Variants in NKX2-2 observed in about 807,000 individuals in gnomAD.
The protein encoded by NKX2-2 is homeobox protein Nkx-2.2.
NKX2-2 carries 8 observed loss-of-function variants against 24.6 expected under a neutral mutation model. The ratio of observed to expected loss-of-function variants is 0.32; its 90% CI spans 0.19 to 0.59. NKX2-2 has a LOEUF of 0.59. NKX2-2 is among the 20% of genes least tolerant of loss of function. NKX2-2 has a pLI of 0.86. For missense variants in NKX2-2, 381 were observed against 373.9 expected, an observed-to-expected ratio of 1.02 and a Z score of -0.16; for synonymous variants, 217 against 173.3, an observed-to-expected ratio of 1.25 and a Z score of -1.98.
chr20:21,516,576 C>T (rs945595881), upstream of NKX2-2, among the ~76,000 whole-genome samples: 1 of 152,072 alleles, frequency 6.6e-6, no homozygotes, highest in Non-Finnish European at 1.5e-5. Flanking sequence ...TGTTACTCAG[C>T]TGCTAAATAA....
At chr20:21,521,560 G>T in the NKX2-2 span, among the ~76,000 whole-genome samples, 1 of 152,128 alleles carries the variant, frequency 6.6e-6, no homozygotes, top group African/African-American at 2.4e-5. Flanking sequence ...CATCACCACC[G>T]TCCCCTCACG....
Position 21,511,143 on chromosome 20 carries a change from C to T in NKX2-2, c.*780G>A, listed in dbSNP as rs117062531. Reference sequence around the variant, plus strand: ...AGCTCCAAGTTCGGGGCTGAAGGCCCGGAGGACAGGGCAGAGGGCTCCCTG... The same window carrying T: ...AGCTCCAAGTTCGGGGCTGAAGGCCTGGAGGACAGGGCAGAGGGCTCCCTG... On this transcript the variant is annotated 3_prime_UTR_variant, in exon 2 of 2. Coordinates refer to ENST00000377142, the MANE Select transcript of NKX2-2 (RefSeq NM_002509.4). 7,887 of 152,728 alleles carry T rather than the reference C, an allele frequency of 0.052. 282 individuals carry two copies. Among genetic ancestry groups the T allele is most frequent in the Non-Finnish European group, 0.078 (5,294 of 68,006 alleles). The allele number at this position is 152,728 out of a possible 1,614,324, so 9.5% of individuals were successfully genotyped here.
the NKX2-2 span, among the ~76,000 whole-genome samples, chr20:21,520,055 G>A: frequency 6.6e-6 from 1 of 152,182 alleles, no homozygotes; most frequent in Admixed American, 6.5e-5. Flanking sequence ...AATTGCCCCA[G>A]GAAGGGAAGA....
chr20:21,520,735 C>G, the NKX2-2 span, among the ~76,000 whole-genome samples: 21 of 152,176 alleles, frequency 1.4e-4, no homozygotes, highest in African/African-American at 4.8e-4. Context: ...CCACGTCCCC[C>G]TGGGCGAACT....
chr20:21,522,294 C>G, the NKX2-2 span, among the ~76,000 whole-genome samples: 1 of 152,214 alleles, frequency 6.6e-6, no homozygotes, highest in Non-Finnish European at 1.5e-5. Flanking sequence ...CGGGGTCCGC[C>G]GTGAACCCGA....
the NKX2-2 span, among the ~76,000 whole-genome samples, chr20:21,521,754 C>T: frequency 1.3e-5 from 2 of 152,194 alleles, no homozygotes; most frequent in Admixed American, 6.5e-5. Flanking sequence ...CCAGCCGAGG[C>T]GCAACCGGCC....
the NKX2-2 span, among the ~76,000 whole-genome samples, chr20:21,520,233 T>C: frequency 5.3e-5 from 8 of 152,066 alleles, no homozygotes; most frequent in East Asian, 1.2e-3. Context: ...AGAGAACTGA[T>C]CCTGGGACCT....
In NKX2-2 at chr20:21,511,895, G is replaced by A; in HGVS notation, c.*28C>T. 1 of 1,546,192 alleles carries A rather than the reference G, an allele frequency of 6.5e-7. No individual in the cohort carries two copies. Among genetic ancestry groups the A allele is most frequent in the Non-Finnish European group, 8.7e-7 (1 of 1,148,510 alleles). On this transcript the variant is annotated 3_prime_UTR_variant, in exon 2 of 2. Transcript: ENST00000377142. ...CGCCGCCGGGGTGGGGCCTGGGCCT[G>A]GGGCCGCGAGTCTCGTTGGGGCGGC...
upstream of NKX2-2, among the ~76,000 whole-genome samples, chr20:21,516,850 A>G (rs1005652295): frequency 4.6e-5 from 7 of 152,124 alleles, no homozygotes; most frequent in African/African-American, 1.7e-4. Flanking sequence ...AGGCCTCCCA[A>G]AGCGTGTTCA....
Position 21,512,238 on chromosome 20 carries a change from G to C in NKX2-2, c.507C>G (p.Pro169=). ...EHLASLIRLT[P]TQVKIWFQNH... is the part of the protein sequence containing the mutation. ...TCTGGAACCAGATCTTGACCTGCGTGGGCGTGAGGCGGATGAGGCTGGCCA... is the reference window on the plus strand; with the variant it reads ...TCTGGAACCAGATCTTGACCTGCGTCGGCGTGAGGCGGATGAGGCTGGCCA... Residue 169 remains proline (P), a synonymous_variant, in exon 2 of 2, where the codon CCC becomes CCG. Coordinates refer to ENST00000377142, the MANE Select transcript of NKX2-2 (RefSeq NM_002509.4). The C allele has an allele frequency of 6.2e-7, 1 of 1,614,034 alleles. No homozygotes were observed. Among genetic ancestry groups the C allele is most frequent in the African/African-American group, 1.3e-5 (1 of 75,068 alleles).
upstream of NKX2-2, among the ~76,000 whole-genome samples, chr20:21,517,105 G>C (rs1231429545): frequency 6.6e-6 from 1 of 152,200 alleles, no homozygotes; most frequent in African/African-American, 2.4e-5. Context: ...TAGGCGCCTA[G>C]AGAAGGAGGC....
upstream of NKX2-2, among the ~76,000 whole-genome samples, chr20:21,517,340 G>C: frequency 6.6e-6 from 1 of 152,154 alleles, no homozygotes; most frequent in East Asian, 1.9e-4. Flanking sequence ...GGGGCAGCTG[G>C]GCAGGGAGGG....
rs1159070899 is a variant in NKX2-2, at chr20:21,512,552, G to C, written c.260-67C>G. ...GCCGCGCGCAGCCTGCACCAGACTC[G>C]GAGCACCCTGGATCCTCCGTGCGAC... On this transcript the variant is annotated intron_variant, in intron 1 of 1. Transcript: ENST00000377142. The C allele has an allele frequency of 4.9e-6, 6 of 1,214,444 alleles. No individual in the cohort carries two copies. The Admixed American group carries it at 7.7e-5, about 16-fold the overall frequency. 75.2% of individuals were successfully genotyped at this position (1,214,444 alleles called of 1,614,324 possible).
At chr20:21,515,562 G>T (rs1448406696), upstream of NKX2-2, among the ~76,000 whole-genome samples, 2 of 149,616 alleles carry the variant, frequency 1.3e-5, no homozygotes, top group African/African-American at 2.5e-5. Context: ...AGACCACGCC[G>T]CATTTGCCAC....
chr20:21,511,865 G>C lies in NKX2-2; in HGVS notation c.*58C>G. 2 of 1,410,160 alleles carry C rather than the reference G, an allele frequency of 1.4e-6. No homozygotes were observed. The highest frequency in any genetic ancestry group is 1.9e-6 in the Non-Finnish European group (2 of 1,049,524). The allele number at this position is 1,410,160 out of a possible 1,614,324, so 87.4% of individuals were successfully genotyped here. On this transcript the variant is annotated 3_prime_UTR_variant, in exon 2 of 2. Transcript: ENST00000377142. ...CCATAAGGACCGAGGCCTCCTCGCCGCCACCGCCGCCGGGGTGGGGCCTGG... is the reference window on the plus strand; with the variant it reads ...CCATAAGGACCGAGGCCTCCTCGCCCCCACCGCCGCCGGGGTGGGGCCTGG...
At chr20:21,518,397 G>C (rs1334165697), upstream of NKX2-2, among the ~76,000 whole-genome samples, 1 of 152,194 alleles carries the variant, frequency 6.6e-6, no homozygotes, top group Non-Finnish European at 1.5e-5. Context: ...GGAAAGGCAG[G>C]AGAGGGGAGG....
At chr20:21,518,260 C>A (rs879857023), upstream of NKX2-2, among the ~76,000 whole-genome samples, 1 of 152,178 alleles carries the variant, frequency 6.6e-6, no homozygotes, top group Admixed American at 6.5e-5. Context: ...CTGGGGTAAC[C>A]TGAACAGCTG....
chr20:21,513,571 C>T lies in NKX2-2; in HGVS notation c.99G>A (p.Glu33=), dbSNP rs1231484783. 2 of 1,613,726 alleles carry T rather than the reference C, an allele frequency of 1.2e-6. No homozygotes were observed. The highest frequency in any genetic ancestry group is 2.2e-5 in the East Asian group (1 of 44,846). Residue 33 remains glutamate, a synonymous_variant, in exon 1 of 2, where the codon GAG becomes GAA. Transcript: ENST00000377142. The surrounding 1 kb of genome is among the most constrained non-coding windows in gnomAD (Gnocchi z 4.6). ...DEEGSVAEGP[E]EENEGPEPAK... is the part of the protein sequence containing the mutation. ...CTGGCTCGGGCCCCTCGTTCTCTTC[C>T]TCCGGACCTTCGGCCACAGAGCCCT...
Position 21,511,039 on chromosome 20 carries a change from G to C in NKX2-2, c.*884C>G, listed in dbSNP as rs997194879. 1 of 152,396 alleles carries C rather than the reference G, an allele frequency of 6.6e-6. No homozygotes were observed. Among genetic ancestry groups the C allele is most frequent in the South Asian group, 2.1e-4 (1 of 4,834 alleles). The allele number at this position is 152,396 out of a possible 1,614,324, so 9.4% of individuals were successfully genotyped here. A position where few individuals can be genotyped will look rare whatever the true frequency, so the allele number is the denominator to read the frequency against. ...TTCTTTTTTTCTTTTTTAAACACAG[G>C]ATTTTTATTAAAATTCTTATTTAAA... On this transcript the variant is annotated 3_prime_UTR_variant, in exon 2 of 2. Transcript: ENST00000377142.
Sources: allele counts gnomAD v4.1 joint callset (sites outside exome capture counted in the v4.1 genomes callset), GRCh38; gene constraint gnomAD v4.1.1; non-coding constraint Gnocchi (gnomAD v3.1); transcripts MANE v1.5; gene names NCBI Gene and HGNC (gene_info 2026-07-23, HGNC 2026-07-21).